Variants in SGCZ observed in about 807,000 individuals in gnomAD.
The protein encoded by SGCZ is sarcoglycan zeta, also known as zeta-sarcoglycan.
In SGCZ, 40 loss-of-function variants were observed where a neutral mutation model predicts 41.3. That is an observed-to-expected ratio of 0.97 (90% CI 0.75 to 1.26). The LOEUF (loss-of-function observed/expected upper bound fraction) is 1.26, where lower values mean the gene tolerates loss of function less well. Among genes scored for constraint, SGCZ ranks in the 50% most tolerant of loss-of-function variants. SGCZ has a pLI of 0.00. For synonymous variants in SGCZ, 206 were observed against 137.5 expected (o/e 1.50, Z -3.49); for missense variants, 552 against 369.8 (o/e 1.49, Z -4.04).
chr8:15,158,111 ATCTC>A (rs1344336747), intron 1 of SGCZ, among the ~76,000 whole-genome samples: 1 of 150,994 alleles, frequency 6.6e-6, no homozygotes, highest in East Asian at 1.9e-4. Flanking sequence ...TTTTCTCTAG[ATCTC>A]TCTTATTTCT....
At chr8:14,592,634 T>G (rs1272633481) in intron 1 of SGCZ, among the ~76,000 whole-genome samples, 1 of 152,168 alleles carries the variant, frequency 6.6e-6, no homozygotes, top group African/African-American at 2.4e-5. Context: ...AAACAAACTT[T>G]TAAGCAAAAC....
At chr8:14,678,926 T>C (rs935781498) in intron 1 of SGCZ, among the ~76,000 whole-genome samples, 1 of 152,152 alleles carries the variant, frequency 6.6e-6, no homozygotes, top group Non-Finnish European at 1.5e-5. Flanking sequence ...CAGAAGCTAA[T>C]CTGAAAAGCC....
Position 14,174,496 on chromosome 8 carries a change from A to G in SGCZ, c.425-9794T>C, listed in dbSNP as rs545714886. On this transcript the variant is annotated intron_variant, in intron 4 of 7. Transcript: ENST00000382080. ...GAGACTGAATGAAACACACAAATTCATAATGAAATAATGAAAGACACAAAC... is the reference window on the plus strand; with the variant it reads ...GAGACTGAATGAAACACACAAATTCGTAATGAAATAATGAAAGACACAAAC... Among the ~76,000 whole-genome samples, 32 of 152,268 alleles carry G rather than the reference A, an allele frequency of 2.1e-4. No individual in the cohort carries two copies. In the South Asian group the frequency reaches 6.6e-3, roughly 32 times the overall value.
At chr8:14,224,652 G>A (rs768347521) in intron 4 of SGCZ, among the ~76,000 whole-genome samples, 1 of 152,098 alleles carries the variant, frequency 6.6e-6, no homozygotes, top group Non-Finnish European at 1.5e-5. Context: ...TCTGTGGAAG[G>A]TCTGACACAG....
chr8:14,345,810 ACTC>A (rs1294860295), intron 2 of SGCZ, among the ~76,000 whole-genome samples: 1 of 152,078 alleles, frequency 6.6e-6, no homozygotes, highest in African/African-American at 2.4e-5. Context: ...TCTAGACCAA[ACTC>A]CATCCCTTCC....
chr8:15,198,825 C>G (rs1190800750), intron 1 of SGCZ, among the ~76,000 whole-genome samples: 1 of 152,144 alleles, frequency 6.6e-6, no homozygotes, highest in Non-Finnish European at 1.5e-5. Context: ...CCTCATGTGA[C>G]TCTATGACTT....
intron 1 of SGCZ, among the ~76,000 whole-genome samples, chr8:14,773,081 C>T (rs1182997894): frequency 2.6e-5 from 4 of 152,160 alleles, no homozygotes; most frequent in Admixed American, 2.0e-4. Flanking sequence ...ACATCCTCTC[C>T]AGCACCTGTT....
At chr8:14,100,056 A>C (rs978650404) in intron 7 of SGCZ, among the ~76,000 whole-genome samples, 3 of 152,024 alleles carry the variant, frequency 2.0e-5, no homozygotes, top group African/African-American at 7.3e-5. Flanking sequence ...TGTTTAGTAA[A>C]TGATAAATCT....
chr8:14,897,267 A>T lies in SGCZ; in HGVS notation c.39+340318T>A, dbSNP rs147508058. Among the ~76,000 whole-genome samples the T allele has an allele frequency of 2.7e-3, 416 of 152,352 alleles. 7 individuals are homozygous for T. In the East Asian group the frequency reaches 0.039, roughly 14 times the overall value. ...TAATTAATAATTACGTATATAATAA[A>T]CTATTAATAAAATTAATATCTGGTC... On this transcript the variant is annotated intron_variant, in intron 1 of 7. Coordinates refer to ENST00000382080, the MANE Select transcript of SGCZ (RefSeq NM_139167.4).
chr8:14,094,341 C>T (rs893622869), intron 7 of SGCZ, among the ~76,000 whole-genome samples: 3 of 151,936 alleles, frequency 2.0e-5, no homozygotes, highest in Admixed American at 2.0e-4. Flanking sequence ...CTCCCTGTGT[C>T]CATGTATTCT....
rs1425166534 is a variant in SGCZ at position 14,232,597 on chromosome 8, AT to A, written c.424+4994del. ...GGTTATGCCACTGATTTTGTTTTTT[AT>A]TTTTTATTTTATTATTATTATATTT... is the stretch of plus-strand genomic sequence containing the variant. On this transcript the variant is annotated intron_variant, in intron 4 of 7. Coordinates refer to ENST00000382080, the MANE Select transcript of SGCZ (RefSeq NM_139167.4). 1.1e-4 allele frequency among the ~76,000 whole-genome samples: 16 copies of A among 151,902 alleles called. No individual in the cohort carries two copies. In the East Asian group the frequency reaches 3.1e-3, roughly 29 times the overall value.
At chr8:15,085,027 G>C (rs1486423848) in intron 1 of SGCZ, among the ~76,000 whole-genome samples, 2 of 152,070 alleles carry the variant, frequency 1.3e-5, no homozygotes, top group Non-Finnish European at 2.9e-5. Context: ...CATGTAATTT[G>C]ATAGATACAC....
intron 1 of SGCZ, among the ~76,000 whole-genome samples, chr8:15,191,165 AT>A (rs1800524939): frequency 1.3e-5 from 2 of 152,228 alleles, no homozygotes; most frequent in East Asian, 3.9e-4. Flanking sequence ...CTTTGTGTTT[AT>A]TTGTTCTAGA....
At chr8:14,138,817 A>T in intron 5 of SGCZ, among the ~76,000 whole-genome samples, 1 of 152,208 alleles carries the variant, frequency 6.6e-6, no homozygotes, top group East Asian at 1.9e-4. Context: ...CCCGGACTTG[A>T]ACTCAGCTCT....
intron 1 of SGCZ, among the ~76,000 whole-genome samples, chr8:14,980,511 A>G (rs1365196786): frequency 1.3e-5 from 2 of 152,200 alleles, no homozygotes; most frequent in African/African-American, 4.8e-5. Flanking sequence ...TCAATTTACA[A>G]AAGAAAGAGG....
chr8:14,551,547 A>C, intron 2 of SGCZ, among the ~76,000 whole-genome samples: 1 of 9,446 alleles, frequency 1.1e-4, no homozygotes, highest in Non-Finnish European at 1.9e-4. Flanking sequence ...TATATAATAT[A>C]TATAATATAT....
rs1425343709 is a variant in SGCZ at position 15,088,031 on chromosome 8, A to G, written c.39+149554T>C. On this transcript the variant is annotated intron_variant, in intron 1 of 7. Transcript: ENST00000382080. ...CTCTCACTCCACATTAACAAAGCAG[A>G]AAAGGAATAATGTAAGTGTGTCTCA... is the stretch of plus-strand genomic sequence containing the variant. Among the ~76,000 whole-genome samples the G allele has an allele frequency of 4.6e-5, 7 of 152,162 alleles. No homozygotes were observed. In the East Asian group the frequency reaches 1.3e-3, roughly 29 times the overall value.
At chr8:14,843,174 T>C (rs1802984989) in intron 1 of SGCZ, among the ~76,000 whole-genome samples, 1 of 151,882 alleles carries the variant, frequency 6.6e-6, no homozygotes, top group Non-Finnish European at 1.5e-5. Context: ...ATTGCACCAC[T>C]GCACTCCAGC....
chr8:14,861,532 A>G lies in SGCZ; in HGVS notation c.40-306606T>C, dbSNP rs137982617. ...CTCTAAAACTGGCATTGCATGACAT[A>G]AAGAACAGTAAAATTCATGTTAATA... On this transcript the variant is annotated intron_variant, in intron 1 of 7. Transcript: ENST00000382080. 4.6e-3 allele frequency among the ~76,000 whole-genome samples: 697 copies of G among 152,276 alleles called. 5 individuals are homozygous for G. Among genetic ancestry groups the G allele is most frequent in the African/African-American group, 0.016 (669 of 41,568 alleles).
Sources: allele counts gnomAD v4.1 joint callset (sites outside exome capture counted in the v4.1 genomes callset), GRCh38; gene constraint gnomAD v4.1.1; transcripts MANE v1.5; gene names NCBI Gene and HGNC (gene_info 2026-07-23, HGNC 2026-07-21).